The following LIMCH1 variants were observed in gnomAD, a reference collection of about 807,000 sequenced individuals.
LIMCH1 encodes the protein LIM and calponin homology domains-containing protein 1.
LIMCH1 carries 113 observed loss-of-function variants against 176.5 expected under a neutral mutation model. The ratio of observed to expected loss-of-function variants is 0.64; its 90% confidence interval spans 0.55 to 0.75. The LOEUF is 0.75. Among genes scored for constraint, LIMCH1 ranks in the 30% least tolerant of loss-of-function variants. The probability of loss-of-function intolerance (pLI) is 0.00; values close to 1 mark genes in which losing one functional copy is unlikely to be tolerated. For missense variants in LIMCH1, 1,674 were observed against 1,814.9 expected (o/e 0.92, Z 1.41); for synonymous variants, 619 against 645.9 (o/e 0.96, Z 0.63).
intron 1 of LIMCH1, among the ~76,000 whole-genome samples, chr4:41,545,660 T>G (rs1449472958): frequency 6.6e-6 from 1 of 152,206 alleles, no homozygotes; most frequent in South Asian, 2.1e-4. Flanking sequence ...TGGAGCTACC[T>G]GATGTTTTAT....
intron 17 of LIMCH1, 134 bp downstream of exon 17, chr4:41,647,027 A>C (rs2094093275): frequency 1.2e-6 from 1 of 834,580 alleles, no homozygotes; most frequent in Non-Finnish European, 1.8e-6. Context: ...CAGCTGTGAA[A>C]GTCATAGGTC....
intron 20 of LIMCH1, 114 bp downstream of exon 20, chr4:41,663,098 CT>C: frequency 4.2e-6 from 4 of 959,730 alleles, no homozygotes; most frequent in African/African-American, 1.7e-5. Context: ...CTCTCCTCAT[CT>C]TTTTTCCTAT....
At chr4:41,403,234 G>A (rs1391584235) in intron 1 of LIMCH1, among the ~76,000 whole-genome samples, 2 of 151,970 alleles carry the variant, frequency 1.3e-5, no homozygotes, top group African/African-American at 2.4e-5. Context: ...GAATTTCCTG[G>A]TTGATTTATA....
At position 41,572,193 on chromosome 4, in the gene LIMCH1, C is replaced by T. The variant is rs1036482158; in HGVS notation, c.-240-26727C>T. Among the ~76,000 whole-genome samples, 13 of 152,224 alleles carry T rather than the reference C, an allele frequency of 8.5e-5. No individual in the cohort carries two copies. In the South Asian group the frequency reaches 1.9e-3, roughly 22 times the overall value. On this transcript the variant is annotated intron_variant, in intron 1 of 31. Coordinates refer to ENST00000503057, the MANE Select transcript of LIMCH1 (RefSeq NM_001330672.2). Reference sequence around the variant, plus strand: ...CACTGCTCCATCTGGAAATGTAACACAATTAACAACATCTTCACAGATGCA... The same window carrying T: ...CACTGCTCCATCTGGAAATGTAACATAATTAACAACATCTTCACAGATGCA...
intron 1 of LIMCH1, among the ~76,000 whole-genome samples, chr4:41,482,900 T>TG: frequency 6.6e-6 from 1 of 152,240 alleles, no homozygotes; most frequent in Admixed American, 6.5e-5. Flanking sequence ...TAGCTTATGC[T>TG]GGGGGGCTGA....
At chr4:41,379,155 C>T (rs1367132743) in intron 1 of LIMCH1, among the ~76,000 whole-genome samples, 3 of 152,098 alleles carry the variant, frequency 2.0e-5, no homozygotes, top group South Asian at 2.1e-4. Flanking sequence ...GGTTCTGGCT[C>T]GGGTTTTTCT....
chr4:41,470,641 A>G (rs1319971399), intron 1 of LIMCH1, among the ~76,000 whole-genome samples: 1 of 152,116 alleles, frequency 6.6e-6, no homozygotes, highest in Non-Finnish European at 1.5e-5. Context: ...CCCAGATCCA[A>G]CAGACAATTC....
Position 41,646,300 on chromosome 4 carries a change from G to C in LIMCH1, c.2411+20G>C. ...AGAAAAGTGAGTTCTTTCTGTTGTC[G>C]TTTTTAATGTACAATATTATCTAGG... is the stretch of plus-strand genomic sequence containing the variant. On this transcript the variant is annotated intron_variant, in intron 16 of 31. Transcript: ENST00000503057. 1 of 1,591,038 alleles carries C rather than the reference G, an allele frequency of 6.3e-7. No individual in the cohort carries two copies. Among genetic ancestry groups the C allele is most frequent in the Non-Finnish European group, 8.5e-7 (1 of 1,172,706 alleles).
intron 1 of LIMCH1, among the ~76,000 whole-genome samples, chr4:41,424,379 A>G (rs2060887694): frequency 6.6e-6 from 1 of 152,214 alleles, no homozygotes; most frequent in African/African-American, 2.4e-5. Flanking sequence ...ATTACAGTTA[A>G]AAGCTGTTTT....
intron 13 of LIMCH1, among the ~76,000 whole-genome samples, chr4:41,638,473 A>G (rs921180708): frequency 1.3e-5 from 2 of 152,220 alleles, no homozygotes; most frequent in Non-Finnish European, 2.9e-5. Flanking sequence ...AAATGCATTA[A>G]CATCTCAGGG....
At chr4:41,463,314 G>A (rs1175025233) in intron 1 of LIMCH1, among the ~76,000 whole-genome samples, 1 of 152,064 alleles carries the variant, frequency 6.6e-6, no homozygotes, top group African/African-American at 2.4e-5. Flanking sequence ...TTATGTAGCA[G>A]CCATTGCTAG....
chr4:41,591,899 G>A (rs1401757854), intron 1 of LIMCH1, among the ~76,000 whole-genome samples: 2 of 152,182 alleles, frequency 1.3e-5, no homozygotes, highest in East Asian at 3.9e-4. Context: ...CCAAATGCAG[G>A]GTGTCTGCCC....
At chr4:41,645,021 T>G (rs1245114511) in intron 15 of LIMCH1, among the ~76,000 whole-genome samples, 1 of 152,262 alleles carries the variant, frequency 6.6e-6, no homozygotes, top group Non-Finnish European at 1.5e-5. Context: ...CTAAGTACTT[T>G]GCATGCATTC....
chr4:41,419,599 CTTCCGTCCTTCCTTCCT>C (rs1284988151), intron 1 of LIMCH1, among the ~76,000 whole-genome samples: 6 of 71,958 alleles, frequency 8.3e-5, no homozygotes, highest in African/African-American at 5.0e-4. Context: ...TCCTTCCTTC[CTTCCGTCCTTCCTTCCT>C]TCCTTCCTTC....
In LIMCH1 at chr4:41,400,698, G is replaced by C. The variant is rs112352642; in HGVS notation, c.96+39762G>C. Among the ~76,000 whole-genome samples the C allele has an allele frequency of 2.5e-3, 381 of 152,192 alleles. 5 individuals carry two copies. Among genetic ancestry groups the C allele is most frequent in the African/African-American group, 8.7e-3 (360 of 41,524 alleles). The stretch of plus-strand genomic sequence containing the variant: ...TGTTTTCTAGATAGATCTTAAAATA[G>C]ATATCGATATAAAACAAACTGGAAG... On this transcript the variant is annotated intron_variant, in intron 1 of 26. Coordinates refer to the LIMCH1 transcript ENST00000313860.
At chr4:41,664,854 G>A (rs1453416315) in intron 20 of LIMCH1, among the ~76,000 whole-genome samples, 1 of 152,192 alleles carries the variant, frequency 6.6e-6, no homozygotes, top group Non-Finnish European at 1.5e-5. Flanking sequence ...TTTGTGCATT[G>A]TGCCTTTTGG....
chr4:41,644,768 G>C, intron 15 of LIMCH1, 142 bp downstream of exon 15: 1 of 1,023,778 alleles, frequency 9.8e-7, no homozygotes, highest in Non-Finnish European at 1.4e-6. Context: ...GTAAATGTGG[G>C]ACTCAAAGGA....
chr4:41,361,022 C>A, intron 1 of LIMCH1: 2 of 944,246 alleles, frequency 2.1e-6, no homozygotes, highest in Non-Finnish European at 3.0e-6. Flanking sequence ...TCCAGCCTTG[C>A]CTCCCCCCAA....
At chr4:41,400,231 T>C (rs1452501282) in intron 1 of LIMCH1, among the ~76,000 whole-genome samples, 1 of 152,102 alleles carries the variant, frequency 6.6e-6, no homozygotes, top group Non-Finnish European at 1.5e-5. Context: ...AATCTTAAAA[T>C]TTAAAAGGTC....
Sources: gnomAD v4.1 joint callset for allele counts (sites outside exome capture counted in the v4.1 genomes callset) on GRCh38, gnomAD v4.1.1 for gene constraint, MANE v1.5 for transcripts, NCBI Gene and HGNC (gene_info 2026-07-23, HGNC 2026-07-21) for gene names.